RAB35: variants seen among roughly 807,000 people sequenced by gnomAD.
RAB35 encodes RAB35, member RAS oncogene family, also known as ras-related protein Rab-35.
In RAB35, 4 loss-of-function variants were observed where a neutral mutation model predicts 28.9. The observed-to-expected ratio is 0.14, with a 90% CI of 0.07 to 0.32. The LOEUF (loss-of-function observed/expected upper bound fraction) is 0.32, where lower values mean the gene tolerates loss of function less well. Among genes scored for constraint, RAB35 ranks in the 10% least tolerant of loss-of-function variants. The pLI is 1.00. For synonymous variants in RAB35, 99 were observed against 105.1 expected (o/e 0.94, Z 0.35); for missense variants, 128 against 274.0 (o/e 0.47, Z 3.76).
chr12:120,097,080 C>G lies in RAB35; in HGVS notation c.*165G>C. ...GCTGGTCCAACACCTTCTTGGCACT[C>G]GAGGAGGGCGGGGGAGGAAGTGCCG... On this transcript the variant is annotated 3_prime_UTR_variant, in exon 6 of 6. Transcript: ENST00000229340. 2 of 1,551,178 alleles carry G rather than the reference C, an allele frequency of 1.3e-6. No homozygotes were observed. The highest frequency in any genetic ancestry group is 1.7e-6 in the Non-Finnish European group (2 of 1,154,216).
intron 2 of RAB35, among the ~76,000 whole-genome samples, chr12:120,106,047 CAG>C (rs1449832486): frequency 1.3e-5 from 2 of 151,984 alleles, no homozygotes; most frequent in East Asian, 3.9e-4. Context: ...AAGACCCTAC[CAG>C]ACACACACAT....
chr12:120,115,360 A>G (rs1370449477), intron 1 of RAB35, among the ~76,000 whole-genome samples: 2 of 152,152 alleles, frequency 1.3e-5, no homozygotes, highest in African/African-American at 4.8e-5. Flanking sequence ...TTAACAGTCC[A>G]TGGGCTCTAC....
intron 3 of RAB35, among the ~76,000 whole-genome samples, chr12:120,101,746 CAGCA>C: frequency 6.6e-6 from 1 of 152,318 alleles, no homozygotes; most frequent in South Asian, 2.1e-4. Flanking sequence ...CGTGGGACGG[CAGCA>C]GGGGCCCAGC....
chr12:120,106,452 T>C (rs1050148856), intron 2 of RAB35, among the ~76,000 whole-genome samples: 43 of 152,164 alleles, frequency 2.8e-4, no homozygotes, highest in African/African-American at 9.7e-4. Flanking sequence ...ACAAATGAAC[T>C]GGCTAAGGTC....
At chr12:120,112,787 T>C (rs1298421558) in intron 1 of RAB35, among the ~76,000 whole-genome samples, 1 of 151,040 alleles carries the variant, frequency 6.6e-6, no homozygotes, top group East Asian at 1.9e-4. Context: ...TGCAGTTGTG[T>C]GATCCTAACT....
rs555599646 is a variant in RAB35, at chr12:120,116,718, G to C, written c.-68C>G. The C allele has an allele frequency of 1.1e-5, 13 of 1,212,100 alleles. No homozygotes were observed. In the African/African-American group the frequency reaches 1.7e-4, roughly 16 times the overall value. 75.1% of individuals were successfully genotyped at this position (1,212,100 alleles called of 1,614,324 possible). A position where few individuals can be genotyped will look rare whatever the true frequency, so the allele number is the denominator to read the frequency against. ...GGCCTCGCGATCCGCAGCTCCCTTC[G>C]GGCTGCTCCGGCAGCGGCGGATCCA... On this transcript the variant is annotated 5_prime_UTR_variant, in exon 1 of 6. Transcript: ENST00000229340.
At chr12:120,116,567 C>T (rs1876349934) in intron 1 of RAB35, 32 bp downstream of exon 1, 12 of 1,115,436 alleles carry the variant, frequency 1.1e-5, no homozygotes, top group Non-Finnish European at 1.2e-5. Flanking sequence ...CCCGGCAGGG[C>T]CCGCGCCGCC....
At chr12:120,099,929 G>A (rs900423399) in intron 3 of RAB35, among the ~76,000 whole-genome samples, 16 of 152,192 alleles carry the variant, frequency 1.1e-4, no homozygotes, top group Admixed American at 1.0e-3. Flanking sequence ...AGAGCCGGAG[G>A]CCAGGCGGCA....
intron 1 of RAB35, 179 bp from the exon 2 acceptor site, chr12:120,108,646 C>T: frequency 2.8e-6 from 2 of 704,048 alleles, no homozygotes; most frequent in Non-Finnish European, 2.6e-6. Context: ...ACATCTCTTC[C>T]ACTCGATCCC....
intron 2 of RAB35, among the ~76,000 whole-genome samples, chr12:120,107,866 C>CAAAAAAAA (rs57274207): frequency 5.0e-4 from 16 of 31,988 alleles, no homozygotes; most frequent in Non-Finnish European, 9.2e-4. Context: ...GACTCCATCT[C>CAAAAAAAA]AAAAAAAAAA....
At chr12:120,098,028 C>T (rs1451506355) in intron 5 of RAB35, among the ~76,000 whole-genome samples, 1 of 151,998 alleles carries the variant, frequency 6.6e-6, no homozygotes, top group African/African-American at 2.4e-5. Flanking sequence ...GGACTACAGG[C>T]GCCCACCACC....
chr12:120,108,907 G>A (rs899632792), intron 1 of RAB35, among the ~76,000 whole-genome samples: 14 of 152,234 alleles, frequency 9.2e-5, no homozygotes, highest in Admixed American at 3.3e-4. Context: ...GCTGTAGAGC[G>A]GGAAAGGACC....
At chr12:120,111,509 C>T (rs79406604) in intron 1 of RAB35, among the ~76,000 whole-genome samples, 1,559 of 152,178 alleles carry the variant, frequency 0.01, 22 homozygotes, top group East Asian at 0.045. Flanking sequence ...ATGAACACCC[C>T]ACCTCTAGTA....
rs1875324133 is a variant in RAB35 at position 120,095,279 on chromosome 12, T to G, written c.*1966A>C. The G allele has an allele frequency of 7.2e-6, 1 of 139,078 alleles. No individual in the cohort carries two copies. Among genetic ancestry groups the G allele is most frequent in the African/African-American group, 2.7e-5 (1 of 37,116 alleles). 8.6% of individuals were successfully genotyped at this position (139,078 alleles called of 1,614,324 possible). A position where few individuals can be genotyped will look rare whatever the true frequency, so the allele number is the denominator to read the frequency against. ...CCCACCCCCACCCCATAACCCCCATTCATGCGTGTAACAGTGGGACAGGCA... is the reference window on the plus strand; with the variant it reads ...CCCACCCCCACCCCATAACCCCCATGCATGCGTGTAACAGTGGGACAGGCA... On this transcript the variant is annotated 3_prime_UTR_variant, in exon 6 of 6. Transcript: ENST00000229340.
chr12:120,097,003 C>A lies in RAB35; in HGVS notation c.*242G>T. ...TCCGCTCGGCGGGCAGCGTCCTCGCCAGGTCCAGGCGCCTTGGCCGGGGAG... is the reference window on the plus strand; with the variant it reads ...TCCGCTCGGCGGGCAGCGTCCTCGCAAGGTCCAGGCGCCTTGGCCGGGGAG... On this transcript the variant is annotated 3_prime_UTR_variant, in exon 6 of 6. Transcript: ENST00000229340. 6.7e-7 allele frequency: 1 copy of A among 1,503,724 alleles called. No individual in the cohort carries two copies. Among genetic ancestry groups the A allele is most frequent in the South Asian group, 1.2e-5 (1 of 83,076 alleles). 93.1% of individuals were successfully genotyped at this position (1,503,724 alleles called of 1,614,324 possible).
rs1340782467 is a variant in RAB35, at chr12:120,096,998, C to T, written c.*247G>A. The T allele has an allele frequency of 6.7e-7, 1 of 1,498,328 alleles. No homozygotes were observed. The highest frequency in any genetic ancestry group is 8.9e-7 in the Non-Finnish European group (1 of 1,123,240). 92.8% of individuals were successfully genotyped at this position (1,498,328 alleles called of 1,614,324 possible). A position where few individuals can be genotyped will look rare whatever the true frequency, so the allele number is the denominator to read the frequency against. The stretch of plus-strand genomic sequence containing the variant: ...ATCAGTCCGCTCGGCGGGCAGCGTC[C>T]TCGCCAGGTCCAGGCGCCTTGGCCG... On this transcript the variant is annotated 3_prime_UTR_variant, in exon 6 of 6. Coordinates refer to ENST00000229340, the MANE Select transcript of RAB35 (RefSeq NM_006861.7).
chr12:120,101,448 A>T (rs1875653170), intron 3 of RAB35, among the ~76,000 whole-genome samples: 1 of 152,194 alleles, frequency 6.6e-6, no homozygotes, highest in South Asian at 2.1e-4. Flanking sequence ...TTCTGAGAGC[A>T]AGAACCCGAG....
chr12:120,097,325 G>A lies in RAB35; in HGVS notation c.526C>T (p.Leu176=), dbSNP rs771150763. The A allele has an allele frequency of 4.6e-5, 75 of 1,613,676 alleles. No homozygotes were observed. The highest frequency in any genetic ancestry group is 6.4e-5 in the Non-Finnish European group (75 of 1,180,030). The change falls in exon 6 of 6, where the codon CTG becomes TTG. Residue 176 remains leucine, a synonymous_variant. Coordinates refer to ENST00000229340, the MANE Select transcript of RAB35 (RefSeq NM_006861.7). ...ELVLRAKKDN[L]AKQQQQQQND... ...TGTTGTTGCTGCTGCTGTTTTGCCA[G>A]GTTGTCTTTCTTTGCTCGGAGGACC... is the stretch of plus-strand genomic sequence containing the variant.
Position 120,103,954 on chromosome 12 carries a change from A to G in RAB35, c.104-5T>C, listed in dbSNP as rs1875763075. 1 of 1,613,800 alleles carries G rather than the reference A, an allele frequency of 6.2e-7. No homozygotes were observed. The highest frequency in any genetic ancestry group is 1.1e-5 in the South Asian group (1 of 91,086). ...CGATCGTGGTGATGTAGCTGCCTGC[A>G]CACACAGGGCAGTTAACGAGGCCCA... On this transcript the variant is annotated splice_polypyrimidine_tract_variant and splice_region_variant and intron_variant, in intron 2 of 5. Transcript: ENST00000229340. The surrounding 1 kb of genome is among the most constrained non-coding windows in gnomAD (Gnocchi z 6.1).
Sources: allele counts gnomAD v4.1 joint callset (sites outside exome capture counted in the v4.1 genomes callset), GRCh38; gene constraint gnomAD v4.1.1; non-coding constraint Gnocchi (gnomAD v3.1); transcripts MANE v1.5; gene names NCBI Gene and HGNC (gene_info 2026-07-23, HGNC 2026-07-21).